CHCHD6: variants seen among roughly 807,000 people sequenced by gnomAD.
The protein encoded by CHCHD6 is coiled-coil-helix-coiled-coil-helix domain containing 6, also known as MICOS complex subunit MIC25.
In CHCHD6, 28 loss-of-function variants were observed where a neutral mutation model predicts 32.3. The observed-to-expected ratio is 0.87, with a 90% CI of 0.64 to 1.19. The LOEUF (loss-of-function observed/expected upper bound fraction) is 1.19. Ranked by LOEUF, CHCHD6 falls within the 50% of genes most tolerant of loss-of-function variation. The probability of loss-of-function intolerance (pLI) is 0.00; values close to 1 mark genes in which losing one functional copy is unlikely to be tolerated. For missense variants in CHCHD6, 333 were observed against 307.0 expected (o/e 1.08, Z -0.63); for synonymous variants, 122 against 117.5 (o/e 1.04, Z -0.25).
chr3:126,794,190 A>T (rs1015643850), intron 4 of CHCHD6, among the ~76,000 whole-genome samples: 1 of 151,884 alleles, frequency 6.6e-6, no homozygotes, highest in African/African-American at 2.4e-5. Context: ...TTTCTGTATC[A>T]TACGTTTCTC....
chr3:126,729,199 A>T (rs1369717757), intron 2 of CHCHD6, among the ~76,000 whole-genome samples: 1 of 152,216 alleles, frequency 6.6e-6, no homozygotes, highest in Admixed American at 6.5e-5. Flanking sequence ...ACAGGAATGG[A>T]TAAGTTAGGG....
chr3:126,856,677 C>G (rs1941676769), intron 5 of CHCHD6, among the ~76,000 whole-genome samples: 1 of 152,232 alleles, frequency 6.6e-6, no homozygotes, highest in African/African-American at 2.4e-5. Context: ...AACCCCCACA[C>G]TTTATCGTCT....
intron 4 of CHCHD6, among the ~76,000 whole-genome samples, chr3:126,779,535 CAAAA>C (rs11288509): frequency 5.1e-5 from 4 of 78,094 alleles, no homozygotes; most frequent in African/African-American, 5.1e-5. Context: ...GACTCCATCT[CAAAA>C]AAAAAAAAAA....
intron 4 of CHCHD6, among the ~76,000 whole-genome samples, chr3:126,745,435 C>T (rs1213112852): frequency 1.3e-5 from 2 of 152,182 alleles, no homozygotes; most frequent in Non-Finnish European, 2.9e-5. Flanking sequence ...GCAAAGCCTT[C>T]AGCACATGGT....
intron 5 of CHCHD6, among the ~76,000 whole-genome samples, chr3:126,898,198 G>C (rs984314339): frequency 3.3e-5 from 5 of 152,238 alleles, no homozygotes; most frequent in African/African-American, 1.2e-4. Context: ...CCAAAGTCAG[G>C]CTGGGAACGA....
intron 5 of CHCHD6, among the ~76,000 whole-genome samples, chr3:126,871,168 T>A (rs1396372372): frequency 4.6e-5 from 7 of 152,180 alleles, no homozygotes; most frequent in Non-Finnish European, 1.0e-4. Flanking sequence ...AAATGGGAGT[T>A]TAGTAGCTCT....
intron 4 of CHCHD6, among the ~76,000 whole-genome samples, chr3:126,795,689 G>C (rs746641001): frequency 6.6e-6 from 1 of 152,094 alleles, no homozygotes; most frequent in Non-Finnish European, 1.5e-5. Flanking sequence ...AAGGTAACTC[G>C]TATCCCTTGA....
At chr3:126,799,543 T>G (rs955573144) in intron 4 of CHCHD6, among the ~76,000 whole-genome samples, 2 of 152,216 alleles carry the variant, frequency 1.3e-5, no homozygotes, top group African/African-American at 2.4e-5. Context: ...AGGTGGTCTT[T>G]GTGTCAGGGT....
At chr3:126,824,139 G>C (rs74382945) in intron 4 of CHCHD6, among the ~76,000 whole-genome samples, 168 of 152,198 alleles carry the variant, frequency 1.1e-3, no homozygotes, top group Non-Finnish European at 2.0e-3. Flanking sequence ...GGACATAAGA[G>C]GGAAATGTTC....
intron 5 of CHCHD6, among the ~76,000 whole-genome samples, chr3:126,866,697 G>A (rs1240482284): frequency 6.6e-6 from 1 of 152,188 alleles, no homozygotes; most frequent in African/African-American, 2.4e-5. Context: ...ACAGTGCACC[G>A]AGCCTTTCTT....
intron 6 of CHCHD6, chr3:126,953,173 G>A (rs780978948): frequency 1.2e-4 from 119 of 981,376 alleles, no homozygotes; most frequent in Middle Eastern, 5.2e-4. Flanking sequence ...CAAAGCCAGC[G>A]CCTTGCCCCA....
At chr3:126,941,902 C>T (rs766229132) in intron 6 of CHCHD6, among the ~76,000 whole-genome samples, 22 of 152,190 alleles carry the variant, frequency 1.4e-4, no homozygotes, top group Non-Finnish European at 2.9e-4. Context: ...GGACTGTCAG[C>T]CCACAGACCA....
At chr3:126,847,910 C>G (rs1185259287) in intron 4 of CHCHD6, among the ~76,000 whole-genome samples, 1 of 152,146 alleles carries the variant, frequency 6.6e-6, no homozygotes, top group Non-Finnish European at 1.5e-5. Flanking sequence ...TCTTCTGAAA[C>G]AGCTGTTAGA....
intron 6 of CHCHD6, chr3:126,935,266 C>G (rs1364073309): frequency 4.0e-6 from 2 of 499,880 alleles, no homozygotes; most frequent in East Asian, 3.0e-4. Context: ...CTTTTGAGAG[C>G]CTCCCTCCCT....
intron 5 of CHCHD6, among the ~76,000 whole-genome samples, chr3:126,902,747 C>T (rs1351572867): frequency 6.6e-6 from 1 of 151,276 alleles, no homozygotes; most frequent in African/African-American, 2.4e-5. Flanking sequence ...CAATGTAGTG[C>T]TCGGAGACAA....
At chr3:126,716,083 C>T (rs1031070822) in intron 1 of CHCHD6, among the ~76,000 whole-genome samples, 1 of 152,140 alleles carries the variant, frequency 6.6e-6, no homozygotes, top group Non-Finnish European at 1.5e-5. Flanking sequence ...GATTTCAGTC[C>T]CTCCTCCTGC....
intron 5 of CHCHD6, among the ~76,000 whole-genome samples, chr3:126,892,652 A>AC (rs2077779567): frequency 6.6e-6 from 1 of 152,098 alleles, no homozygotes; most frequent in African/African-American, 2.4e-5. Context: ...TCTCTGCATA[A>AC]ACCCCCCCTT....
At chr3:126,705,955 G>C (rs572966133) in intron 1 of CHCHD6, among the ~76,000 whole-genome samples, 1 of 152,318 alleles carries the variant, frequency 6.6e-6, no homozygotes, top group African/African-American at 2.4e-5. Context: ...AGAGTACTTG[G>C]CACATTTGGT....
intron 4 of CHCHD6, among the ~76,000 whole-genome samples, chr3:126,777,833 G>A (rs1937722433): frequency 6.6e-6 from 1 of 152,152 alleles, no homozygotes; most frequent in Non-Finnish European, 1.5e-5. Context: ...ATTATTTTTA[G>A]TATATTCATA....
Sources: gnomAD v4.1 joint callset for allele counts (sites outside exome capture counted in the v4.1 genomes callset) on GRCh38, gnomAD v4.1.1 for gene constraint, MANE v1.5 for transcripts, NCBI Gene and HGNC (gene_info 2026-07-23, HGNC 2026-07-21) for gene names.